The following SLC44A5 variants were observed in gnomAD, a reference collection of about 807,000 sequenced individuals.
SLC44A5 encodes choline transporter-like protein 5.
A neutral mutation model predicts 101.8 loss-of-function variants in SLC44A5; 57 were observed. The observed-to-expected ratio is 0.56, with a 90% CI of 0.45 to 0.70. The LOEUF (loss-of-function observed/expected upper bound fraction) is 0.70, where lower values mean the gene tolerates loss of function less well. Ranked by LOEUF, SLC44A5 falls within the 30% of genes least tolerant of loss-of-function variation. The pLI, the probability that SLC44A5 is intolerant of heterozygous loss-of-function variation, is 0.00. For missense variants in SLC44A5, 737 were observed against 853.1 expected, an observed-to-expected ratio of 0.86 and a Z score of 1.70; for synonymous variants, 281 against 290.9, an observed-to-expected ratio of 0.97 and a Z score of 0.35.
chr1:75,436,561 G>C (rs886337085), intron 2 of SLC44A5, among the ~76,000 whole-genome samples: 1 of 152,134 alleles, frequency 6.6e-6, no homozygotes, highest in African/African-American at 2.4e-5. Flanking sequence ...GAGTCAGTGA[G>C]TGAGTGCTGA....
chr1:75,293,559 G>A (rs1269488767), intron 5 of SLC44A5, among the ~76,000 whole-genome samples: 1 of 152,116 alleles, frequency 6.6e-6, no homozygotes, highest in Non-Finnish European at 1.5e-5. Flanking sequence ...TTTAACACAA[G>A]CAATTTACAA....
At chr1:75,269,811 C>G (rs1651314204) in intron 6 of SLC44A5, among the ~76,000 whole-genome samples, 1 of 151,830 alleles carries the variant, frequency 6.6e-6, no homozygotes, top group African/African-American at 2.4e-5. Flanking sequence ...CCCTTGATAC[C>G]ATTTGATATG....
chr1:75,442,669 C>T (rs1665276539), intron 2 of SLC44A5, among the ~76,000 whole-genome samples: 1 of 152,104 alleles, frequency 6.6e-6, no homozygotes, highest in Admixed American at 6.6e-5. Context: ...GCTATCAAAT[C>T]CCATTTGTCC....
intron 7 of SLC44A5, among the ~76,000 whole-genome samples, chr1:75,246,209 A>G (rs587346): frequency 0.73 from 110,970 of 151,868 alleles, 40,719 homozygotes; most frequent in East Asian, 0.93. Context: ...GGTGGCTGGG[A>G]GAGTGAATTA....
At chr1:75,314,318 C>T (rs181198179) in intron 4 of SLC44A5, among the ~76,000 whole-genome samples, 7 of 152,240 alleles carry the variant, frequency 4.6e-5, no homozygotes, top group Admixed American at 2.6e-4. Context: ...GGTAACAGAA[C>T]GACCTGTAAT....
At chr1:75,670,433 C>T in the SLC44A5 span, among the ~76,000 whole-genome samples, 4 of 152,036 alleles carry the variant, frequency 2.6e-5, no homozygotes, top group African/African-American at 7.2e-5. Flanking sequence ...AGGGAATTTG[C>T]CTTCTTTTTT....
At chr1:75,542,074 G>T (rs536442826) in intron 1 of SLC44A5, among the ~76,000 whole-genome samples, 9 of 151,862 alleles carry the variant, frequency 5.9e-5, no homozygotes, top group Non-Finnish European at 1.0e-4. Context: ...CAAATGAAGG[G>T]GAAAAGCTAT....
intron 18 of SLC44A5, 57 bp from the exon 19 acceptor site, chr1:75,215,914 AAAAT>A (rs1276955583): frequency 1.1e-6 from 1 of 901,044 alleles, no homozygotes; most frequent in African/African-American, 1.7e-5. Context: ...CTTATCAGTC[AAAAT>A]AAATATAATA....
intron 1 of SLC44A5, among the ~76,000 whole-genome samples, chr1:75,603,532 T>G (rs944788278): frequency 2.6e-5 from 4 of 152,008 alleles, no homozygotes; most frequent in African/African-American, 9.7e-5. Context: ...GGTAGTTCTG[T>G]TTTAAGCTCT....
the SLC44A5 span, among the ~76,000 whole-genome samples, chr1:75,680,966 A>G: frequency 2.0e-5 from 3 of 150,694 alleles, no homozygotes; most frequent in African/African-American, 7.3e-5. Context: ...AACTACCATC[A>G]GAGAATACTA....
At chr1:75,679,589 C>T in the SLC44A5 span, among the ~76,000 whole-genome samples, 37,822 of 150,568 alleles carry the variant, frequency 0.25, 4,556 homozygotes, top group Middle Eastern at 0.36. Context: ...ACCAGGCCTG[C>T]CCTAAAAGAG....
At chr1:75,362,878 T>C (rs76483574) in intron 3 of SLC44A5, among the ~76,000 whole-genome samples, 3,507 of 152,146 alleles carry the variant, frequency 0.023, 137 homozygotes, top group African/African-American at 0.081. Flanking sequence ...TGTTTTCTTT[T>C]TGATGTTCTA....
intron 3 of SLC44A5, among the ~76,000 whole-genome samples, chr1:75,364,991 G>C (rs928075582): frequency 6.6e-6 from 1 of 151,856 alleles, no homozygotes; most frequent in Non-Finnish European, 1.5e-5. Flanking sequence ...CTTTTGATTG[G>C]ATAATTTAAT....
chr1:75,383,626 T>C (rs374456384), intron 3 of SLC44A5, among the ~76,000 whole-genome samples: 37 of 151,946 alleles, frequency 2.4e-4, no homozygotes, highest in Admixed American at 1.4e-3. Flanking sequence ...AGTTGGAAAA[T>C]ACTCTGCAGG....
intron 3 of SLC44A5, among the ~76,000 whole-genome samples, chr1:75,370,130 G>A (rs1445204633): frequency 6.6e-6 from 1 of 152,218 alleles, no homozygotes; most frequent in East Asian, 1.9e-4. Context: ...CTGGCTTTAA[G>A]CCAGGCCTGG....
chr1:75,266,994 A>C lies in SLC44A5; in HGVS notation c.260+7964T>G, dbSNP rs182659565. Among the ~76,000 whole-genome samples, 433 of 152,314 alleles carry C rather than the reference A, an allele frequency of 2.8e-3. 2 individuals carry two copies. Among genetic ancestry groups the C allele is most frequent in the Non-Finnish European group, 3.6e-3 (243 of 68,024 alleles). ...TTGTCAGCACTATATTTTAGACTTA[A>C]AATAGCACACTGCGCCGAACACAAT... On this transcript the variant is annotated intron_variant, in intron 6 of 23. Transcript: ENST00000370859.
chr1:75,374,804 T>C (rs1250524040), intron 3 of SLC44A5, among the ~76,000 whole-genome samples: 1 of 152,138 alleles, frequency 6.6e-6, no homozygotes, highest in Non-Finnish European at 1.5e-5. Flanking sequence ...ATGAAGCCAG[T>C]ACTATACACA....
chr1:75,488,581 T>C (rs1188313164), intron 2 of SLC44A5, among the ~76,000 whole-genome samples: 1 of 152,178 alleles, frequency 6.6e-6, no homozygotes. Flanking sequence ...ATAATCCGGA[T>C]TTTCAAAAAA....
chr1:75,378,186 C>T lies in SLC44A5; in HGVS notation c.52+18397G>A, dbSNP rs1268483913. On this transcript the variant is annotated intron_variant, in intron 3 of 23. Transcript: ENST00000370859. Reference sequence around the variant, plus strand: ...AGTAAGCTTGTGCGCTCGGAAGAAGCTAGGGTGATAATAGGGCAAACTAAA... The same window carrying T: ...AGTAAGCTTGTGCGCTCGGAAGAAGTTAGGGTGATAATAGGGCAAACTAAA... Among the ~76,000 whole-genome samples, 3 of 80,662 alleles carry T rather than the reference C, an allele frequency of 3.7e-5. No homozygotes were observed. The South Asian group carries it at 1.1e-3, about 31-fold the overall frequency. 52.9% of individuals were successfully genotyped at this position (80,662 alleles called of 152,430 possible).
Sources: gnomAD v4.1 joint callset for allele counts (sites outside exome capture counted in the v4.1 genomes callset) on GRCh38, gnomAD v4.1.1 for gene constraint, MANE v1.5 for transcripts, NCBI Gene and HGNC (gene_info 2026-07-23, HGNC 2026-07-21) for gene names.